Variants in TRPM2 observed in about 807,000 individuals in gnomAD.
TRPM2 encodes the protein estrogen-responsive element-associated gene 1 protein.
In TRPM2, 161 loss-of-function variants were observed where a neutral mutation model predicts 174.0. That is an observed-to-expected ratio of 0.93 (90% CI 0.81 to 1.05). The LOEUF (loss-of-function observed/expected upper bound fraction) is 1.05, where lower values mean the gene tolerates loss of function less well. Among genes scored for constraint, TRPM2 ranks in the 50% least tolerant of loss-of-function variants. TRPM2 has a pLI of 0.00. For missense variants in TRPM2, 2,057 were observed against 2,038.0 expected (o/e 1.01, Z -0.18); for synonymous variants, 954 against 861.3 (o/e 1.11, Z -1.88).
rs202159569 is a variant in TRPM2, at chr21:44,418,539, G to A, written c.3445G>A (p.Glu1149Lys). 55 of 1,614,040 alleles carry A rather than the reference G, an allele frequency of 3.4e-5. No individual in the cohort carries two copies. Among genetic ancestry groups the A allele is most frequent in the Admixed American group, 5.0e-5 (3 of 60,026 alleles). Residue 1149 changes from glutamate (E) to lysine (K), a missense_variant, in exon 22 of 32, where the codon GAG (glutamate) becomes AAG (lysine). Glu to Lys is a moderately conservative substitution (Grantham distance 56). Coordinates refer to ENST00000397928, the MANE Select transcript of TRPM2 (RefSeq NM_003307.4). ...QQKQRPEQKI[E>K]DISNKVDAMV... ...AAAGCAGCGGCCCGAGCAGAAGATC[G>A]AGGACATCAGCAATAAGTATGGGGG...
intron 19 of TRPM2, among the ~76,000 whole-genome samples, chr21:44,410,057 G>A (rs866277578): frequency 0.028 from 3,157 of 113,796 alleles, 205 homozygotes; most frequent in African/African-American, 0.093. Flanking sequence ...TTTTGATCGC[G>A]CTGTCTTGGT....
intron 19 of TRPM2, among the ~76,000 whole-genome samples, chr21:44,413,613 C>T (rs1403816206): frequency 6.6e-6 from 1 of 152,206 alleles, no homozygotes; most frequent in African/African-American, 2.4e-5. Flanking sequence ...CTGGCTGGGA[C>T]CCTGGCAGTG....
At chr21:44,351,829 C>T (rs968272746), upstream of TRPM2, among the ~76,000 whole-genome samples, 1 of 152,172 alleles carries the variant, frequency 6.6e-6, no homozygotes, top group South Asian at 2.1e-4. Context: ...GACCTGCTTC[C>T]CAGGGCCTGC....
At chr21:44,412,368 A>ATT (rs1195678541) in intron 19 of TRPM2, among the ~76,000 whole-genome samples, 1 of 151,972 alleles carries the variant, frequency 6.6e-6, no homozygotes, top group Non-Finnish European at 1.5e-5. Context: ...AGATCATCTA[A>ATT]TTTTTTTAGC....
intron 9 of TRPM2, among the ~76,000 whole-genome samples, chr21:44,388,815 A>G (rs2049089768): frequency 6.6e-6 from 1 of 152,192 alleles, no homozygotes; most frequent in Non-Finnish European, 1.5e-5. Flanking sequence ...AGCCTGGGTG[A>G]CAGAGGAAGA....
chr21:44,361,515 C>G (rs941318642), intron 2 of TRPM2, among the ~76,000 whole-genome samples: 1 of 152,138 alleles, frequency 6.6e-6, no homozygotes, highest in Non-Finnish European at 1.5e-5. Context: ...TAATTGGGTC[C>G]TATTTTTTTA....
At chr21:44,360,875 T>C (rs1462253300) in intron 2 of TRPM2, among the ~76,000 whole-genome samples, 1 of 151,166 alleles carries the variant, frequency 6.6e-6, no homozygotes, top group Non-Finnish European at 1.5e-5. Flanking sequence ...CCTTATGTCA[T>C]TTTTCACATG....
intron 27 of TRPM2, among the ~76,000 whole-genome samples, chr21:44,433,053 G>T (rs1218420191): frequency 2.0e-5 from 3 of 152,158 alleles, no homozygotes; most frequent in Non-Finnish European, 4.4e-5. Context: ...GGCTGCGGTG[G>T]GAGGAGGGCA....
At chr21:44,410,258 C>T (rs2050058414) in intron 19 of TRPM2, among the ~76,000 whole-genome samples, 2 of 82,704 alleles carry the variant, frequency 2.4e-5, no homozygotes, top group East Asian at 4.4e-4. Flanking sequence ...TGAGTTTTGA[C>T]TGCACTGTCT....
chr21:44,405,964 TC>T lies in TRPM2; in HGVS notation c.2718del (p.Cys907AlafsTer21), dbSNP rs760420407. 2 of 1,608,718 alleles carry T rather than the reference TC, an allele frequency of 1.2e-6. No individual in the cohort carries two copies. Among genetic ancestry groups the T allele is most frequent in the Non-Finnish European group, 1.7e-6 (2 of 1,179,756 alleles). Reference protein sequence around the residue: ...RVILSLDFILFCLRLMHIFTI... With the variant: ...RVILSLDFILXCLRLMHIFTI... ...ATCCTCTCTCTGGACTTCATCCTGT[TC>T]TGCCTCCGGCTCATGCACATTTTTA... On this transcript the variant is annotated frameshift_variant, in exon 18 of 32. Transcript: ENST00000397928. LOFTEE classifies it high-confidence loss of function.
Position 44,364,179 on chromosome 21 carries a change from C to T in TRPM2, c.320C>T (p.Thr107Ile), listed in dbSNP as rs202105596. The change falls in exon 3 of 32, where the codon ACC (threonine) becomes ATC (isoleucine). Residue 107 changes from threonine to isoleucine, a missense_variant. Coordinates refer to ENST00000397928, the MANE Select transcript of TRPM2 (RefSeq NM_003307.4). The stretch of plus-strand genomic sequence containing the variant: ...TTGGAGGAGGCTACCAAGCCCCACA[C>T]CTTCCAGGGCACACAGTGGGACCCA... ...QHLEEATKPH[T>I]FQGTQWDPKK... is the part of the protein sequence containing the mutation. 936 of 1,614,236 alleles carry T rather than the reference C, an allele frequency of 5.8e-4. 16 individuals are homozygous for T. The South Asian group carries it at 9.8e-3, about 17-fold the overall frequency.
chr21:44,437,065 G>C lies in TRPM2; in HGVS notation c.4065G>C (p.Trp1355Cys), dbSNP rs1434512593. ...NHTLYPMVTR[W>C]RRNEDGAICR... ...GCCATGGCCGCTCTCTCCGCAGGTG[G>C]AGGCGGAACGAGGATGGAGCCATCT... Residue 1355 changes from tryptophan to cysteine, a missense_variant, in exon 29 of 32, where the codon TGG becomes TGC. Physicochemically the swap from Trp to Cys is radical, Grantham distance 215. Transcript: ENST00000397928. 1 of 1,550,372 alleles carries C rather than the reference G, an allele frequency of 6.5e-7. No homozygotes were observed. Among genetic ancestry groups the C allele is most frequent in the Non-Finnish European group, 8.7e-7 (1 of 1,146,746 alleles).
At chr21:44,409,830 G>T (rs1191900032) in intron 19 of TRPM2, among the ~76,000 whole-genome samples, 16 of 132,058 alleles carry the variant, frequency 1.2e-4, no homozygotes, top group East Asian at 4.8e-4. Flanking sequence ...CTGTCTTGGT[G>T]AGCGTAGCCT....
rs2049560605 is a variant in TRPM2, at chr21:44,399,983, C to T, written c.2209-276C>T. Reference sequence around the variant, plus strand: ...GGAGGCCTGGGGAAGGGTCCTGTCCCCCACTGCAGAGCTCAGAGGGGCCAG... The same window carrying T: ...GGAGGCCTGGGGAAGGGTCCTGTCCTCCACTGCAGAGCTCAGAGGGGCCAG... On this transcript the variant is annotated intron_variant, in intron 14 of 31. Coordinates refer to ENST00000397928, the MANE Select transcript of TRPM2 (RefSeq NM_003307.4). This position sits in a 1 kb window ranked among gnomAD's most constrained non-coding sequence, Gnocchi z 4.6. 6.6e-6 allele frequency among the ~76,000 whole-genome samples: 1 copy of T among 152,216 alleles called. No individual in the cohort carries two copies. Among genetic ancestry groups the T allele is most frequent in the Non-Finnish European group, 1.5e-5 (1 of 68,030 alleles).
intron 9 of TRPM2, among the ~76,000 whole-genome samples, chr21:44,384,601 T>G (rs938004624): frequency 1.3e-5 from 2 of 152,342 alleles, no homozygotes; most frequent in Admixed American, 6.5e-5. Context: ...TGCCCTGTAA[T>G]GGATCACCTC....
chr21:44,372,232 G>A (rs993846587), intron 5 of TRPM2, among the ~76,000 whole-genome samples: 16 of 152,102 alleles, frequency 1.1e-4, no homozygotes, highest in Non-Finnish European at 1.0e-4. Context: ...GGCCGAGTGC[G>A]GTGGCTCACA....
At chr21:44,384,397 C>CCTG (rs1383761986) in intron 9 of TRPM2, among the ~76,000 whole-genome samples, 1 of 152,162 alleles carries the variant, frequency 6.6e-6, no homozygotes, top group Admixed American at 6.5e-5. Flanking sequence ...CTGGCAAGGG[C>CCTG]CTGCCTCATG....
At position 44,419,072 on chromosome 21, in the gene TRPM2, C is replaced by T. The variant is rs1427432895; in HGVS notation, c.3461+517C>T. On this transcript the variant is annotated intron_variant, in intron 22 of 31. Coordinates refer to ENST00000397928, the MANE Select transcript of TRPM2 (RefSeq NM_003307.4). ...GGGGGAACATCTGCTCCCTTCTCTC[C>T]ACTGCCAGGCCTTCCGCCCTGCTAG... Among the ~76,000 whole-genome samples, 9 of 152,342 alleles carry T rather than the reference C, an allele frequency of 5.9e-5. No homozygotes were observed. In the South Asian group the frequency reaches 1.9e-3, roughly 32 times the overall value.
Position 44,362,133 on chromosome 21 carries a change from T to C in TRPM2, c.255-1981T>C, listed in dbSNP as rs560740727. On this transcript the variant is annotated intron_variant, in intron 2 of 31. Coordinates refer to ENST00000397928, the MANE Select transcript of TRPM2 (RefSeq NM_003307.4). ...ACATTTTACCAGTTTGAGTGAAATA[T>C]AGAAACATTATCTCCTTTTACATCT... is the stretch of plus-strand genomic sequence containing the variant. Among the ~76,000 whole-genome samples, 11 of 152,300 alleles carry C rather than the reference T, an allele frequency of 7.2e-5. No individual in the cohort carries two copies. In the East Asian group the frequency reaches 1.9e-3, roughly 27 times the overall value.
Sources: allele counts gnomAD v4.1 joint callset (sites outside exome capture counted in the v4.1 genomes callset), GRCh38; gene constraint gnomAD v4.1.1; non-coding constraint Gnocchi (gnomAD v3.1); transcripts MANE v1.5; gene names NCBI Gene and HGNC (gene_info 2026-07-23, HGNC 2026-07-21).